DCLRE1C: variants seen among roughly 807,000 people sequenced by gnomAD.
DCLRE1C encodes the protein DNA cross-link repair 1C.
A neutral mutation model predicts 61.4 loss-of-function variants in DCLRE1C; 47 were observed. That is an observed-to-expected ratio of 0.77 (90% CI 0.61 to 0.98). The LOEUF is 0.98. Among genes scored for constraint, DCLRE1C ranks in the 50% least tolerant of loss-of-function variants. DCLRE1C has a pLI of 0.00. For synonymous variants in DCLRE1C, 337 were observed against 287.6 expected, an observed-to-expected ratio of 1.17 and a Z score of -1.74; for missense variants, 858 against 816.0, an observed-to-expected ratio of 1.05 and a Z score of -0.63.
chr10:14,926,748 CAG>C, intron 11 of DCLRE1C, 93 bp downstream of exon 11: 2 of 902,044 alleles, frequency 2.2e-6, no homozygotes, highest in South Asian at 1.4e-5. Context: ...TACATAGAAA[CAG>C]AGATGCTTCT....
intron 12 of DCLRE1C, 79 bp from the exon 13 acceptor site, chr10:14,919,911 T>A: frequency 1.6e-6 from 2 of 1,215,974 alleles, no homozygotes; most frequent in Non-Finnish European, 1.2e-6. Context: ...TATTACAAAT[T>A]TTTTTGATTT....
chr10:14,936,687 C>T (rs1839983980), intron 4 of DCLRE1C, 94 bp from the exon 5 acceptor site: 1 of 822,966 alleles, frequency 1.2e-6, no homozygotes, highest in Non-Finnish European at 2.0e-6. Context: ...CATTTATGTA[C>T]CTTTTAACAA....
rs1213680743 is a variant in DCLRE1C, at chr10:14,905,734, C to T, written c.*2674G>A. 6.6e-6 allele frequency among the ~76,000 whole-genome samples: 1 copy of T among 152,184 alleles called. No homozygotes were observed. Among genetic ancestry groups the T allele is most frequent in the Admixed American group, 6.5e-5 (1 of 15,276 alleles). On this transcript the variant is annotated 3_prime_UTR_variant, in exon 14 of 14. Coordinates refer to ENST00000378278, the MANE Select transcript of DCLRE1C (RefSeq NM_001033855.3). ...ACACGGTAGCTGACGCCTGTAATCC[C>T]AGCACTTTGGGAGGCCGAGGCGAGT...
At chr10:14,913,101 C>A (rs1835556826) in intron 13 of DCLRE1C, among the ~76,000 whole-genome samples, 1 of 152,272 alleles carries the variant, frequency 6.6e-6, no homozygotes, top group South Asian at 2.1e-4. Flanking sequence ...CATGATCCAC[C>A]TGCCTTGGCC....
intron 10 of DCLRE1C, 71 bp downstream of exon 10, chr10:14,927,945 G>A: frequency 6.9e-7 from 1 of 1,456,142 alleles, no homozygotes; most frequent in Non-Finnish European, 9.6e-7. Context: ...GCTAGACTGT[G>A]CTTAAATGAA....
chr10:14,915,180 A>C (rs1308798678), intron 13 of DCLRE1C, among the ~76,000 whole-genome samples: 2 of 152,162 alleles, frequency 1.3e-5, no homozygotes, highest in African/African-American at 4.8e-5. Context: ...AAATGCCTAC[A>C]TTAGAAAATA....
rs1309191827 is a variant in DCLRE1C, at chr10:14,950,433, CCA to C, written c.110-1348_110-1347del. ...CCAATTCTAATTACCACGAGCACCA[CCA>C]CACACACACACAAGCACCCCCTCAA... is the stretch of plus-strand genomic sequence containing the variant. On this transcript the variant is annotated intron_variant, in intron 1 of 13. Coordinates refer to ENST00000378278, the MANE Select transcript of DCLRE1C (RefSeq NM_001033855.3). 6.6e-5 allele frequency among the ~76,000 whole-genome samples: 10 copies of C among 150,894 alleles called. No homozygotes were observed. In the East Asian group the frequency reaches 1.4e-3, roughly 21 times the overall value.
chr10:14,937,214 C>A (rs1233848870), intron 4 of DCLRE1C, among the ~76,000 whole-genome samples: 1 of 150,732 alleles, frequency 6.6e-6, no homozygotes, highest in Non-Finnish European at 1.5e-5. Context: ...TGAAAATATT[C>A]TGAAATTGAT....
intron 11 of DCLRE1C, among the ~76,000 whole-genome samples, chr10:14,924,010 C>A (rs922602116): frequency 6.6e-6 from 1 of 152,266 alleles, no homozygotes; most frequent in African/African-American, 2.4e-5. Context: ...CAGGAAGGAA[C>A]CCCCATCATG....
chr10:14,937,282 T>C (rs1417628284), intron 4 of DCLRE1C, among the ~76,000 whole-genome samples: 1 of 65,284 alleles, frequency 1.5e-5, no homozygotes, highest in Non-Finnish European at 3.0e-5. Context: ...AGCTATTTAC[T>C]TTTTTTTTTT....
chr10:14,925,031 A>G (rs959400391), intron 11 of DCLRE1C, among the ~76,000 whole-genome samples: 2 of 151,946 alleles, frequency 1.3e-5, no homozygotes, highest in African/African-American at 2.4e-5. Flanking sequence ...CTCTACATAA[A>G]AATAAAAGGG....
chr10:14,946,613 C>A (rs532464224), intron 2 of DCLRE1C, among the ~76,000 whole-genome samples: 4 of 152,154 alleles, frequency 2.6e-5, no homozygotes, highest in African/African-American at 7.2e-5. Flanking sequence ...CGCTTTTTAA[C>A]CCTGAGTCTC....
chr10:14,949,202 T>C, intron 1 of DCLRE1C, 115 bp from the exon 2 acceptor site: 4 of 740,678 alleles, frequency 5.4e-6, no homozygotes, highest in Non-Finnish European at 9.4e-6. Context: ...GGTTTGCTTT[T>C]ATAAGAATTG....
At chr10:14,940,616 C>T (rs527467688) in intron 3 of DCLRE1C, among the ~76,000 whole-genome samples, 26 of 152,158 alleles carry the variant, frequency 1.7e-4, no homozygotes, top group South Asian at 4.2e-4. Flanking sequence ...TGCTGCCGAA[C>T]GCTCCCTGGT....
intron 9 of DCLRE1C, among the ~76,000 whole-genome samples, chr10:14,932,320 G>A (rs1419238897): frequency 6.6e-6 from 1 of 152,142 alleles, no homozygotes; most frequent in African/African-American, 2.4e-5. Flanking sequence ...TATCAAACGT[G>A]TATGAATAGA....
At chr10:14,931,474 C>T (rs958819815) in intron 9 of DCLRE1C, among the ~76,000 whole-genome samples, 2 of 152,124 alleles carry the variant, frequency 1.3e-5, no homozygotes, top group African/African-American at 4.8e-5. Context: ...AAGAGAATCG[C>T]TTGAATGTGG....
intron 13 of DCLRE1C, among the ~76,000 whole-genome samples, chr10:14,912,713 A>G (rs1353511118): frequency 6.6e-6 from 1 of 152,126 alleles, no homozygotes; most frequent in Non-Finnish European, 1.5e-5. Flanking sequence ...TTTTTGAGAC[A>G]GAGTCTCGCT....
At chr10:14,928,241 T>C (rs1838353569) in intron 9 of DCLRE1C, 89 bp from the exon 10 acceptor site, 5 of 1,180,114 alleles carry the variant, frequency 4.2e-6, no homozygotes, top group Non-Finnish European at 3.6e-6. Flanking sequence ...GTAGAAAAGT[T>C]TCCAGACACG....
upstream of DCLRE1C, chr10:14,954,405 CTG>C: frequency 6.0e-6 from 2 of 334,916 alleles, no homozygotes; most frequent in South Asian, 5.4e-5. Flanking sequence ...GGCTGCGGAA[CTG>C]CGCTTAGAAA....
Sources: allele counts gnomAD v4.1 joint callset (sites outside exome capture counted in the v4.1 genomes callset), GRCh38; gene constraint gnomAD v4.1.1; transcripts MANE v1.5; gene names NCBI Gene and HGNC (gene_info 2026-07-23, HGNC 2026-07-21).